TSPAN13: variants seen among roughly 807,000 people sequenced by gnomAD.
TSPAN13 encodes tetraspanin-13.
TSPAN13 carries 18 observed loss-of-function variants against 26.9 expected under a neutral mutation model. The observed-to-expected ratio is 0.67, with a 90% confidence interval of 0.46 to 0.99. TSPAN13 has a LOEUF of 0.99. Ranked by LOEUF, TSPAN13 falls within the 50% of genes least tolerant of loss-of-function variation. The probability of loss-of-function intolerance (pLI) is 0.00; values close to 1 mark genes in which losing one functional copy is unlikely to be tolerated. For synonymous variants in TSPAN13, 116 were observed against 98.4 expected (o/e 1.18, Z -1.06); for missense variants, 201 against 249.6 (o/e 0.81, Z 1.31).
At chr7:16,782,362 T>A (rs1439647843) in intron 5 of TSPAN13, among the ~76,000 whole-genome samples, 1 of 152,096 alleles carries the variant, frequency 6.6e-6, no homozygotes, top group African/African-American at 2.4e-5. Context: ...TCTCTAGAAG[T>A]AGTTTAAAAG....
chr7:16,760,079 G>C (rs1050568876), intron 1 of TSPAN13, among the ~76,000 whole-genome samples: 3 of 152,212 alleles, frequency 2.0e-5, no homozygotes, highest in Admixed American at 2.0e-4. Context: ...AATGAGGTCA[G>C]AGAAGTCAGG....
Position 16,753,831 on chromosome 7 carries a change from C to A in TSPAN13, c.-137C>A. On this transcript the variant is annotated 5_prime_UTR_variant, in exon 1 of 6. Transcript: ENST00000262067. ...GCGCGCGCGCCGCGCACTGCAGCCC[C>A]AGGCCCCGGCCCCCCACCCACGTCT... The A allele has an allele frequency of 1.1e-6, 1 of 928,532 alleles. No homozygotes were observed. The highest frequency in any genetic ancestry group is 1.7e-6 in the Non-Finnish European group (1 of 594,010). 57.5% of individuals were successfully genotyped at this position (928,532 alleles called of 1,614,324 possible). A position where few individuals can be genotyped will look rare whatever the true frequency, so the allele number is the denominator to read the frequency against.
intron 5 of TSPAN13, among the ~76,000 whole-genome samples, chr7:16,782,397 A>C (rs1292534530): frequency 1.3e-5 from 2 of 152,224 alleles, no homozygotes; most frequent in African/African-American, 2.4e-5. Flanking sequence ...ACAAAGTCAC[A>C]TAAACAAAAT....
At chr7:16,771,093 T>G (rs566826419) in intron 1 of TSPAN13, among the ~76,000 whole-genome samples, 1 of 152,348 alleles carries the variant, frequency 6.6e-6, no homozygotes, top group Non-Finnish European at 1.5e-5. Context: ...TTAGGGACTG[T>G]TCTGATCCAG....
intron 1 of TSPAN13, among the ~76,000 whole-genome samples, chr7:16,756,396 G>A (rs2115319236): frequency 6.6e-6 from 1 of 152,320 alleles, no homozygotes. Context: ...GTTAAACCAG[G>A]ATTGCATATG....
chr7:16,761,055 G>A (rs1207828374), intron 1 of TSPAN13, among the ~76,000 whole-genome samples: 1 of 152,112 alleles, frequency 6.6e-6, no homozygotes, highest in Non-Finnish European at 1.5e-5. Context: ...AGTGGGGTTG[G>A]AACTTTGTTG....
chr7:16,754,332 C>T (rs1784457678), intron 1 of TSPAN13, among the ~76,000 whole-genome samples: 1 of 152,218 alleles, frequency 6.6e-6, no homozygotes, highest in Non-Finnish European at 1.5e-5. Flanking sequence ...AACATTCAAC[C>T]GGACCTCTCC....
chr7:16,776,186 C>T (rs372547982), intron 1 of TSPAN13, 25 bp from the exon 2 acceptor site: 219 of 1,610,322 alleles, frequency 1.4e-4, no homozygotes, highest in Non-Finnish European at 1.7e-4. Context: ...CGTCCTCTAC[C>T]CCTGCCCCCT....
chr7:16,782,547 CAG>C (rs927411366), intron 5 of TSPAN13, among the ~76,000 whole-genome samples: 9 of 152,144 alleles, frequency 5.9e-5, no homozygotes, highest in Non-Finnish European at 1.2e-4. Context: ...GAAACAGAAA[CAG>C]AGCACACATT....
At chr7:16,783,285 A>C in intron 5 of TSPAN13, 132 bp from the exon 6 acceptor site, 1 of 873,546 alleles carries the variant, frequency 1.1e-6, no homozygotes, top group South Asian at 1.8e-5. Context: ...AAAAAGAAAA[A>C]AAATCTCTCC....
Position 16,762,606 on chromosome 7 carries a change from C to T in TSPAN13, c.63+8576C>T, listed in dbSNP as rs144065143. On this transcript the variant is annotated intron_variant, in intron 1 of 5. Coordinates refer to ENST00000262067, the MANE Select transcript of TSPAN13 (RefSeq NM_014399.4). ...CACAATGTTAGGAATAGAGTTTAGC[C>T]GGAAGTAATAGAAACCCAGCTATCA... 3.9e-5 allele frequency among the ~76,000 whole-genome samples: 6 copies of T among 152,172 alleles called. No individual in the cohort carries two copies. In the East Asian group the frequency reaches 5.8e-4, roughly 15 times the overall value.
intron 1 of TSPAN13, among the ~76,000 whole-genome samples, chr7:16,772,921 G>C (rs186739628): frequency 2.6e-5 from 4 of 152,208 alleles, no homozygotes; most frequent in Admixed American, 2.6e-4. Context: ...ACTTGAACGC[G>C]GGAGGTGGAG....
intron 1 of TSPAN13, among the ~76,000 whole-genome samples, chr7:16,761,337 G>T (rs1323407555): frequency 2.0e-5 from 3 of 152,186 alleles, no homozygotes; most frequent in African/African-American, 7.2e-5. Flanking sequence ...GCAAAATGTA[G>T]ATTATTTATA....
At chr7:16,771,406 A>G (rs1230516824) in intron 1 of TSPAN13, among the ~76,000 whole-genome samples, 1 of 152,220 alleles carries the variant, frequency 6.6e-6, no homozygotes, top group Non-Finnish European at 1.5e-5. Context: ...GTTACTTTAC[A>G]TAACTAAAAG....
chr7:16,753,844 C>T lies in TSPAN13; in HGVS notation c.-124C>T. The T allele has an allele frequency of 9.5e-7, 1 of 1,055,390 alleles. No homozygotes were observed. Among genetic ancestry groups the T allele is most frequent in the Non-Finnish European group, 1.4e-6 (1 of 703,038 alleles). 65.4% of individuals were successfully genotyped at this position (1,055,390 alleles called of 1,614,324 possible). A position where few individuals can be genotyped will look rare whatever the true frequency, so the allele number is the denominator to read the frequency against. On this transcript the variant is annotated 5_prime_UTR_variant, in exon 1 of 6. Transcript: ENST00000262067. ...GCACTGCAGCCCCAGGCCCCGGCCC[C>T]CCACCCACGTCTGCGTTGCTGCCCC...
intron 1 of TSPAN13, among the ~76,000 whole-genome samples, chr7:16,771,836 T>C (rs1784683264): frequency 1.3e-5 from 2 of 152,178 alleles, no homozygotes. Context: ...TAGGGTAGAC[T>C]GAAAACTATA....
intron 3 of TSPAN13, 54 bp downstream of exon 3, chr7:16,777,176 A>T: frequency 7.9e-7 from 1 of 1,263,642 alleles, no homozygotes; most frequent in Non-Finnish European, 1.1e-6. Flanking sequence ...ATGAGTATGA[A>T]AAAAAGGAGG....
At chr7:16,782,920 G>C (rs1784829082) in intron 5 of TSPAN13, among the ~76,000 whole-genome samples, 1 of 152,142 alleles carries the variant, frequency 6.6e-6, no homozygotes, top group Non-Finnish European at 1.5e-5. Context: ...CCTTCTGGAG[G>C]CCAGGCTCAC....
chr7:16,761,540 G>C (rs537741274), intron 1 of TSPAN13, among the ~76,000 whole-genome samples: 1 of 151,920 alleles, frequency 6.6e-6, no homozygotes, highest in East Asian at 1.9e-4. Context: ...TTTTTTAGGG[G>C]CAGGGTCTCA....
Sources: allele counts gnomAD v4.1 joint callset (sites outside exome capture counted in the v4.1 genomes callset), GRCh38; gene constraint gnomAD v4.1.1; transcripts MANE v1.5; gene names NCBI Gene and HGNC (gene_info 2026-07-23, HGNC 2026-07-21).